Variants in ZNF254 observed in about 807,000 individuals in gnomAD.
ZNF254 encodes the protein zinc finger protein 254.
Under a neutral mutation model 12.4 loss-of-function variants are expected in ZNF254, and 10 were observed. The ratio of observed to expected loss-of-function variants is 0.80; its 90% CI spans 0.50 to 1.36. The LOEUF (loss-of-function observed/expected upper bound fraction) is 1.36, where lower values mean the gene tolerates loss of function less well. Ranked by LOEUF, ZNF254 falls within the 40% of genes most tolerant of loss-of-function variation. The probability of loss-of-function intolerance (pLI) is 0.00; values close to 1 mark genes in which losing one functional copy is unlikely to be tolerated. For synonymous variants in ZNF254, 305 were observed against 253.4 expected, an observed-to-expected ratio of 1.20 and a Z score of -1.93; for missense variants, 996 against 763.9, an observed-to-expected ratio of 1.30 and a Z score of -3.58.
intron 2 of ZNF254, among the ~76,000 whole-genome samples, chr19:24,053,676 T>C (rs1161513736): frequency 6.6e-6 from 1 of 152,214 alleles, no homozygotes; most frequent in Non-Finnish European, 1.5e-5. Flanking sequence ...TGGTTCCTCT[T>C]GTACATTGTG....
At chr19:24,112,577 C>A (rs1400801222) in intron 3 of ZNF254, among the ~76,000 whole-genome samples, 2 of 150,594 alleles carry the variant, frequency 1.3e-5, no homozygotes, top group Non-Finnish European at 3.0e-5. Context: ...TCTTCCTACC[C>A]ATGAGCATGG....
intron 1 of ZNF254, among the ~76,000 whole-genome samples, chr19:24,089,434 G>T (rs1972234661): frequency 6.6e-6 from 1 of 151,972 alleles, no homozygotes; most frequent in Non-Finnish European, 1.5e-5. Flanking sequence ...CCTAGTCACA[G>T]ATATCTTATC....
At chr19:24,080,408 C>T (rs1164117108) in intron 2 of ZNF254, 1 of 152,234 alleles carries the variant, frequency 6.6e-6, no homozygotes, top group Non-Finnish European at 1.5e-5. Flanking sequence ...AGCACGTGAA[C>T]TAATGATGGG....
chr19:24,059,413 A>G lies in ZNF254; in HGVS notation c.-94+13134A>G, dbSNP rs138892559. On this transcript the variant is annotated intron_variant, in intron 2 of 4. Coordinates refer to the ZNF254 transcript ENST00000613065. ...CCCTGCTTACAGGTGTGATTGTGAC[A>G]CACAGCTTGGCCTAGCCCCTAAGTT... 4.4e-3 allele frequency among the ~76,000 whole-genome samples: 670 copies of G among 152,308 alleles called. 1 individual carries two copies. The highest frequency in any genetic ancestry group is 6.8e-3 in the Middle Eastern group (2 of 294).
At chr19:24,074,223 ACT>A (rs1330907021) in intron 2 of ZNF254, among the ~76,000 whole-genome samples, 1 of 145,794 alleles carries the variant, frequency 6.9e-6, no homozygotes, top group Admixed American at 6.8e-5. Context: ...AGGTAATGTG[ACT>A]CTCTTATTCT....
At position 24,127,571 on chromosome 19, in the gene ZNF254, G is replaced by C; in HGVS notation, c.1571G>C (p.Gly524Ala). 1 of 1,613,430 alleles carries C rather than the reference G, an allele frequency of 6.2e-7. No individual in the cohort carries two copies. Among genetic ancestry groups the C allele is most frequent in the Non-Finnish European group, 8.5e-7 (1 of 1,179,782 alleles). Residue 524 changes from glycine to alanine, a missense_variant, in exon 4 of 4, where the codon GGC (glycine) becomes GCC (alanine). Transcript: ENST00000357002. ...GEKPYKCEEC[G>A]KAFNWSSTLT... The stretch of plus-strand genomic sequence containing the variant: ...AAACCCTACAAATGTGAAGAATGTG[G>C]CAAAGCCTTTAACTGGTCCTCAACT...
intron 2 of ZNF254, among the ~76,000 whole-genome samples, chr19:24,053,958 G>C (rs952222499): frequency 6.8e-6 from 1 of 147,480 alleles, no homozygotes. Flanking sequence ...GCTCCTGCCT[G>C]GGCTCTGCCC....
intron 1 of ZNF254, among the ~76,000 whole-genome samples, chr19:24,088,114 G>A (rs1159686805): frequency 4.0e-5 from 6 of 151,784 alleles, no homozygotes; most frequent in Non-Finnish European, 7.4e-5. Flanking sequence ...TACCATGTTG[G>A]CCAGGCTGGT....
chr19:24,097,481 CA>C (rs1972740950), intron 1 of ZNF254, among the ~76,000 whole-genome samples: 1 of 151,996 alleles, frequency 6.6e-6, no homozygotes, highest in Non-Finnish European at 1.5e-5. Context: ...ACTACAAAAA[CA>C]AAAAGAGTTC....
At position 24,127,040 on chromosome 19, in the gene ZNF254, A is replaced by T; in HGVS notation, c.1040A>T (p.Glu347Val). The change falls in exon 4 of 4, where the codon GAG becomes GTG. Residue 347 changes from glutamate (E) to valine (V), a missense_variant. By Grantham distance (121) the Glu-to-Val change is moderately radical. Coordinates refer to ENST00000357002, the MANE Select transcript of ZNF254 (RefSeq NM_203282.4). ...LTRHKRMHTG[E>V]KPYKCEECGK... The stretch of plus-strand genomic sequence containing the variant: ...AGACATAAGAGGATGCACACTGGAG[A>T]GAAACCCTACAAATGTGAAGAATGT... 6.2e-7 allele frequency: 1 copy of T among 1,613,834 alleles called. No individual in the cohort carries two copies. The highest frequency in any genetic ancestry group is 8.5e-7 in the Non-Finnish European group (1 of 1,179,844).
At chr19:24,088,684 G>T (rs1000762280) in intron 1 of ZNF254, among the ~76,000 whole-genome samples, 1 of 151,496 alleles carries the variant, frequency 6.6e-6, no homozygotes, top group Non-Finnish European at 1.5e-5. Context: ...AGGCTTGCTC[G>T]GTCACCCCGG....
upstream of ZNF254, among the ~76,000 whole-genome samples, chr19:24,085,427 A>ATATATATATATATATATATATAT (rs1369362234): frequency 0.028 from 1,174 of 42,010 alleles, 114 homozygotes; most frequent in African/African-American, 0.047. Flanking sequence ...TATATATATA[A>ATATATATATATATATATATATAT]AAACTAAGAT....
intron 2 of ZNF254, among the ~76,000 whole-genome samples, chr19:24,049,214 A>ATATATTTTTTTTTTT (rs1160333151): frequency 2.4e-5 from 1 of 40,868 alleles, no homozygotes; most frequent in Non-Finnish European, 4.1e-5. Context: ...ATATATATAT[A>ATATATTTTTTTTTTT]TTTTTTTTTT....
intron 2 of ZNF254, among the ~76,000 whole-genome samples, chr19:24,050,376 T>C (rs898801641): frequency 6.6e-6 from 1 of 152,154 alleles, no homozygotes; most frequent in African/African-American, 2.4e-5. Flanking sequence ...GCCAGGCCGA[T>C]ATCAAACTCC....
At chr19:24,085,427 A>ATATATATATATATATATATATAAAC (rs1369362234), upstream of ZNF254, among the ~76,000 whole-genome samples, 1 of 42,450 alleles carries the variant, frequency 2.4e-5, no homozygotes, top group African/African-American at 7.4e-5. Context: ...TATATATATA[A>ATATATATATATATATATATATAAAC]AAACTAAGAT....
At chr19:24,124,881 C>T (rs1164717659) in intron 3 of ZNF254, among the ~76,000 whole-genome samples, 1 of 151,782 alleles carries the variant, frequency 6.6e-6, no homozygotes, top group Admixed American at 6.6e-5. Context: ...TCAAGTGGTT[C>T]CCCTTCCTGG....
upstream of ZNF254, among the ~76,000 whole-genome samples, chr19:24,085,416 A>ATATATATG (rs1971993520): frequency 7.8e-6 from 1 of 127,714 alleles, no homozygotes; most frequent in African/African-American, 2.9e-5. Flanking sequence ...GGGTATATAT[A>ATATATATG]TATATATATA....
intron 1 of ZNF254, among the ~76,000 whole-genome samples, chr19:24,102,229 GTTTTT>G (rs57684067): frequency 8.1e-6 from 1 of 122,984 alleles, no homozygotes. Context: ...AACAAAATTT[GTTTTT>G]TTTTTTTTTT....
At chr19:24,035,795 G>A (rs544379301) in intron 1 of ZNF254, among the ~76,000 whole-genome samples, 2 of 152,286 alleles carry the variant, frequency 1.3e-5, no homozygotes, top group Admixed American at 6.5e-5. Flanking sequence ...GAAGACGAAT[G>A]TATTAATTGT....
Sources: allele counts gnomAD v4.1 joint callset (sites outside exome capture counted in the v4.1 genomes callset), GRCh38; gene constraint gnomAD v4.1.1; transcripts MANE v1.5; gene names NCBI Gene and HGNC (gene_info 2026-07-23, HGNC 2026-07-21).